The following RIMBP2 variants were observed in gnomAD, a reference collection of about 807,000 sequenced individuals.
RIMBP2 encodes RIMS binding protein 2.
RIMBP2 carries 48 observed loss-of-function variants against 118.6 expected under a neutral mutation model. The ratio of observed to expected loss-of-function variants is 0.40; its 90% CI spans 0.32 to 0.51. RIMBP2 has a LOEUF of 0.51. Ranked by LOEUF, RIMBP2 falls within the 20% of genes least tolerant of loss-of-function variation. The probability of loss-of-function intolerance (pLI) is 0.41; values close to 1 mark genes in which losing one functional copy is unlikely to be tolerated. For synonymous variants in RIMBP2, 762 were observed against 742.9 expected (o/e 1.03, Z -0.42); for missense variants, 1,551 against 1,768.3 (o/e 0.88, Z 2.20).
chr12:130,646,876 A>T (rs1044670123), intron 1 of RIMBP2, among the ~76,000 whole-genome samples: 1 of 152,232 alleles, frequency 6.6e-6, no homozygotes, highest in African/African-American at 2.4e-5. Context: ...TGGGCATGAC[A>T]GTGGGTGAGG....
chr12:130,502,955 A>C (rs1021681990), intron 4 of RIMBP2, among the ~76,000 whole-genome samples: 1 of 152,168 alleles, frequency 6.6e-6, no homozygotes, highest in African/African-American at 2.4e-5. Context: ...CCCAAAAGAC[A>C]GGGTGGACTT....
chr12:130,580,583 G>A (rs1270453104), intron 2 of RIMBP2, among the ~76,000 whole-genome samples: 2 of 152,132 alleles, frequency 1.3e-5, no homozygotes, highest in Non-Finnish European at 2.9e-5. Context: ...CTAATACATC[G>A]GCTTTATTTG....
At chr12:130,704,038 C>T (rs1174782340) in intron 1 of RIMBP2, among the ~76,000 whole-genome samples, 1 of 152,142 alleles carries the variant, frequency 6.6e-6, no homozygotes, top group Admixed American at 6.5e-5. Flanking sequence ...ATCGGAGCCC[C>T]ATCCTTCCAG....
intron 1 of RIMBP2, among the ~76,000 whole-genome samples, chr12:130,654,471 T>C (rs2063345852): frequency 6.6e-6 from 1 of 152,250 alleles, no homozygotes; most frequent in Admixed American, 6.5e-5. Flanking sequence ...TGGACTTCAC[T>C]GTCCAAATCA....
At chr12:130,695,161 G>A (rs1233581723) in intron 1 of RIMBP2, among the ~76,000 whole-genome samples, 17 of 152,184 alleles carry the variant, frequency 1.1e-4, no homozygotes, top group Non-Finnish European at 1.5e-5. Flanking sequence ...AGTGCCACCA[G>A]GTCAGGCCCA....
chr12:130,412,612 C>A lies in RIMBP2; in HGVS notation c.3589+7G>T. On this transcript the variant is annotated splice_region_variant and intron_variant, in intron 19 of 22. Transcript: ENST00000690449. Reference sequence around the variant, plus strand: ...ACAGGGAAGGTCGAATAGGGGTTTGCGCTTACCTATTTTCTCCACAGGTGT... The same window carrying A: ...ACAGGGAAGGTCGAATAGGGGTTTGAGCTTACCTATTTTCTCCACAGGTGT... 1 of 1,612,790 alleles carries A rather than the reference C, an allele frequency of 6.2e-7. No homozygotes were observed. The highest frequency in any genetic ancestry group is 1.1e-5 in the South Asian group (1 of 90,910).
intron 2 of RIMBP2, among the ~76,000 whole-genome samples, chr12:130,595,253 C>G (rs536421488): frequency 6.6e-6 from 1 of 152,314 alleles, no homozygotes; most frequent in South Asian, 2.1e-4. Context: ...TGCAGCTAAA[C>G]TCAGACTATT....
chr12:130,538,586 TG>T (rs1325063951), intron 2 of RIMBP2, among the ~76,000 whole-genome samples: 1 of 152,144 alleles, frequency 6.6e-6, no homozygotes, highest in Non-Finnish European at 1.5e-5. Flanking sequence ...CGTGCCACCC[TG>T]CATGCCAGAG....
At chr12:130,668,233 G>A (rs182270618) in intron 1 of RIMBP2, 12 of 152,304 alleles carry the variant, frequency 7.9e-5, no homozygotes, top group East Asian at 5.8e-4. Context: ...CGAAGGTGAC[G>A]GTAAGAACAC....
chr12:130,520,171 A>G (rs1191484446), intron 2 of RIMBP2, among the ~76,000 whole-genome samples: 2 of 152,202 alleles, frequency 1.3e-5, no homozygotes, highest in Non-Finnish European at 2.9e-5. Flanking sequence ...TATTTTATTT[A>G]TATTCCATCT....
chr12:130,470,379 AC>A (rs2080902025), intron 6 of RIMBP2: 1 of 300,858 alleles, frequency 3.3e-6, no homozygotes. Flanking sequence ...ACGCCCCCTC[AC>A]TTTCCACCCA....
At chr12:130,646,468 T>TTCCCTCACC (rs2062979275) in intron 1 of RIMBP2, among the ~76,000 whole-genome samples, 1 of 24,566 alleles carries the variant, frequency 4.1e-5, no homozygotes, top group Non-Finnish European at 1.0e-4. Context: ...CCTCCCTCGC[T>TTCCCTCACC]ACCTCCCTCA....
intron 7 of RIMBP2, 48 bp from the exon 8 acceptor site, chr12:130,451,388 C>A: frequency 6.4e-7 from 1 of 1,559,298 alleles, no homozygotes; most frequent in South Asian, 1.2e-5. Flanking sequence ...CGAATAACAT[C>A]GTCAAAGCAC....
At chr12:130,403,525 T>C (rs1412830756) in intron 21 of RIMBP2, among the ~76,000 whole-genome samples, 1 of 152,230 alleles carries the variant, frequency 6.6e-6, no homozygotes, top group African/African-American at 2.4e-5. Context: ...ATATGTAGAT[T>C]GTTAAAAACT....
chr12:130,547,151 G>T (rs184286369), intron 2 of RIMBP2, among the ~76,000 whole-genome samples: 1 of 152,274 alleles, frequency 6.6e-6, no homozygotes, highest in East Asian at 1.9e-4. Context: ...AAACAAAAAT[G>T]CTTCTGTATG....
chr12:130,401,988 G>GC (rs975099332), intron 21 of RIMBP2, among the ~76,000 whole-genome samples: 2 of 152,192 alleles, frequency 1.3e-5, no homozygotes, highest in African/African-American at 4.8e-5. Context: ...CTCCAGGCCA[G>GC]CCCCTGCTCT....
intron 19 of RIMBP2, among the ~76,000 whole-genome samples, chr12:130,409,531 A>G (rs1277215943): frequency 6.6e-6 from 1 of 151,792 alleles, no homozygotes; most frequent in East Asian, 1.9e-4. Flanking sequence ...TTTTTTGTAT[A>G]GACGGGGTTT....
At chr12:130,471,637 C>A (rs1274735344) in intron 5 of RIMBP2, 1 of 152,366 alleles carries the variant, frequency 6.6e-6, no homozygotes, top group Non-Finnish European at 1.5e-5. Context: ...TGCTCTGTGC[C>A]CCATCTGACC....
At chr12:130,503,379 G>A (rs1490027735) in intron 4 of RIMBP2, among the ~76,000 whole-genome samples, 1 of 150,960 alleles carries the variant, frequency 6.6e-6, no homozygotes, top group Non-Finnish European at 1.5e-5. Context: ...CTGGGTGACA[G>A]AGTAAGACTC....
Sources: allele counts gnomAD v4.1 joint callset (sites outside exome capture counted in the v4.1 genomes callset), GRCh38; gene constraint gnomAD v4.1.1; transcripts MANE v1.5; gene names NCBI Gene and HGNC (gene_info 2026-07-23, HGNC 2026-07-21).